Variants in ABTB3 observed in about 807,000 individuals in gnomAD.
ABTB3 encodes the protein ankyrin repeat and BTB domain containing 3, also known as ankyrin repeat- and BTB/POZ domain-containing protein 3.
At chr12:107,455,372 T>G in the ABTB3 span, among the ~76,000 whole-genome samples, 1 of 152,172 alleles carries the variant, frequency 6.6e-6, no homozygotes, top group South Asian at 2.1e-4. Flanking sequence ...CATGCTGGTC[T>G]TTCTGCCTGG....
At chr12:107,318,916 G>A in the ABTB3 span, 2 of 1,563,732 alleles carry the variant, frequency 1.3e-6, no homozygotes, top group South Asian at 1.2e-5. Flanking sequence ...GCTCCCAGGC[G>A]GCTGCAGCAT....
chr12:107,447,578 C>T, the ABTB3 span, among the ~76,000 whole-genome samples: 2 of 152,300 alleles, frequency 1.3e-5, no homozygotes, highest in Middle Eastern at 3.4e-3. Flanking sequence ...GAAAGTGAAA[C>T]GTGTTCTTGC....
At chr12:107,394,777 C>A in the ABTB3 span, among the ~76,000 whole-genome samples, 3 of 152,206 alleles carry the variant, frequency 2.0e-5, no homozygotes, top group Admixed American at 6.5e-5. Flanking sequence ...TAAATGATAG[C>A]TGTTTTCCTC....
the ABTB3 span, among the ~76,000 whole-genome samples, chr12:107,342,258 G>T: frequency 6.6e-6 from 1 of 151,946 alleles, no homozygotes; most frequent in Non-Finnish European, 1.5e-5. Flanking sequence ...TTTTTTTGGG[G>T]GGAGGGGGTG....
chr12:107,609,720 G>A, the ABTB3 span, among the ~76,000 whole-genome samples: 535 of 152,234 alleles, frequency 3.5e-3, 1 homozygote, highest in Non-Finnish European at 6.1e-3. Flanking sequence ...ACAGGGGGAC[G>A]GTAGATAAAC....
the ABTB3 span, among the ~76,000 whole-genome samples, chr12:107,490,927 A>T: frequency 1.3e-5 from 2 of 152,156 alleles, no homozygotes; most frequent in African/African-American, 4.8e-5. Flanking sequence ...CGTAGATGAG[A>T]AAAGAGGCTC....
At chr12:107,520,324 C>A in the ABTB3 span, 1 of 971,080 alleles carries the variant, frequency 1.0e-6, no homozygotes, top group Non-Finnish European at 1.2e-6. Context: ...GCTGGGCATC[C>A]ATTTCTAAAA....
the ABTB3 span, among the ~76,000 whole-genome samples, chr12:107,517,937 A>G: frequency 4.6e-5 from 7 of 152,266 alleles, no homozygotes; most frequent in African/African-American, 1.7e-4. Flanking sequence ...AAACAACTCC[A>G]TCAACAAGTG....
At chr12:107,559,053 T>A in the ABTB3 span, among the ~76,000 whole-genome samples, 2 of 152,302 alleles carry the variant, frequency 1.3e-5, no homozygotes, top group Admixed American at 1.3e-4. Context: ...TTCTCTCACT[T>A]TCTGACAGCC....
chr12:107,373,549 A>T, the ABTB3 span, among the ~76,000 whole-genome samples: 1 of 152,206 alleles, frequency 6.6e-6, no homozygotes, highest in African/African-American at 2.4e-5. Context: ...GACACACAGT[A>T]GTAGATGCTT....
chr12:107,542,327 T>TAAAAAAAAAAA, the ABTB3 span, among the ~76,000 whole-genome samples: 1 of 103,200 alleles, frequency 9.7e-6, no homozygotes, highest in Non-Finnish European at 2.0e-5. Context: ...AAAAAAAAAT[T>TAAAAAAAAAAA]AACCATCACA....
chr12:107,624,181 G>A, the ABTB3 span, among the ~76,000 whole-genome samples: 29 of 151,470 alleles, frequency 1.9e-4, no homozygotes, highest in Non-Finnish European at 3.8e-4. Flanking sequence ...TAGGGGCAAA[G>A]TGTGATCGGT....
chr12:107,470,583 T>C, the ABTB3 span, among the ~76,000 whole-genome samples: 1 of 152,278 alleles, frequency 6.6e-6, no homozygotes, highest in East Asian at 1.9e-4. Context: ...GCATGGACCC[T>C]TCATAGACCT....
the ABTB3 span, among the ~76,000 whole-genome samples, chr12:107,374,527 C>G: frequency 5.3e-5 from 8 of 152,176 alleles, no homozygotes; most frequent in Non-Finnish European, 7.3e-5. Context: ...TCCTTCCTGG[C>G]CTTTTCAAAG....
chr12:107,365,704 G>A, the ABTB3 span, among the ~76,000 whole-genome samples: 1 of 152,206 alleles, frequency 6.6e-6, no homozygotes, highest in East Asian at 1.9e-4. Context: ...GGCCAAGGAG[G>A]AGATGTGCTG....
the ABTB3 span, among the ~76,000 whole-genome samples, chr12:107,501,809 G>C: frequency 1.3e-5 from 2 of 152,158 alleles, no homozygotes; most frequent in Non-Finnish European, 2.9e-5. Context: ...GTCCATAGGT[G>C]GGGAAACACC....
At chr12:107,408,795 C>G in the ABTB3 span, among the ~76,000 whole-genome samples, 1 of 152,208 alleles carries the variant, frequency 6.6e-6, no homozygotes, top group South Asian at 2.1e-4. Context: ...GTTACTCTGG[C>G]CTCGGTGACT....
the ABTB3 span, among the ~76,000 whole-genome samples, chr12:107,429,669 G>T: frequency 1.3e-5 from 2 of 152,110 alleles, no homozygotes; most frequent in African/African-American, 4.8e-5. Flanking sequence ...TTTTCTCCAG[G>T]GCTCTGCACA....
the ABTB3 span, among the ~76,000 whole-genome samples, chr12:107,572,618 G>T: frequency 1.3e-5 from 2 of 152,114 alleles, no homozygotes; most frequent in African/African-American, 4.8e-5. Flanking sequence ...TGAGAGCCTG[G>T]AGCATGTTGA....
Sources: gnomAD v4.1 joint callset for allele counts (sites outside exome capture counted in the v4.1 genomes callset) on GRCh38, gnomAD v4.1.1 for gene constraint, MANE v1.5 for transcripts, NCBI Gene and HGNC (gene_info 2026-07-23, HGNC 2026-07-21) for gene names.